The following TNR variants were observed in gnomAD, a reference collection of about 807,000 sequenced individuals.
The protein encoded by TNR is tenascin-R.
TNR carries 45 observed loss-of-function variants against 150.4 expected under a neutral mutation model. The observed-to-expected ratio is 0.30, with a 90% CI of 0.24 to 0.38. TNR has a LOEUF of 0.38. TNR is among the 10% of genes least tolerant of loss of function. The pLI, the probability that TNR is intolerant of heterozygous loss-of-function variation, is 1.00. For synonymous variants in TNR, 687 were observed against 678.4 expected (o/e 1.01, Z -0.20); for missense variants, 1,544 against 1,759.1 (o/e 0.88, Z 2.19).
intron 1 of TNR, among the ~76,000 whole-genome samples, chr1:175,626,972 A>G (rs1664174790): frequency 6.6e-6 from 1 of 152,226 alleles, no homozygotes; most frequent in Admixed American, 6.5e-5. Context: ...TGGAGCCCCC[A>G]GAAGCTGGAA....
chr1:175,437,483 C>T (rs1001820784), intron 2 of TNR, among the ~76,000 whole-genome samples: 7 of 152,216 alleles, frequency 4.6e-5, no homozygotes, highest in Admixed American at 6.5e-5. Context: ...GAAGCAAGAG[C>T]AAATACATTC....
At chr1:175,347,705 G>C (rs2101999839) in intron 18 of TNR, among the ~76,000 whole-genome samples, 1 of 152,108 alleles carries the variant, frequency 6.6e-6, no homozygotes, top group South Asian at 2.1e-4. Flanking sequence ...ACAGGTGTGA[G>C]CCACTGCGCC....
At chr1:175,678,032 A>C (rs1445776010) in intron 1 of TNR, among the ~76,000 whole-genome samples, 1 of 151,988 alleles carries the variant, frequency 6.6e-6, no homozygotes, top group East Asian at 1.9e-4. Flanking sequence ...CATAAAGAAA[A>C]AGCTGTTCCT....
At chr1:175,566,171 G>T (rs1255288137) in intron 1 of TNR, among the ~76,000 whole-genome samples, 2 of 152,206 alleles carry the variant, frequency 1.3e-5, no homozygotes. Context: ...GTTCATTATG[G>T]ACTCTTAGTA....
intron 6 of TNR, 80 bp downstream of exon 6, chr1:175,393,700 T>C (rs1653286714): frequency 8.6e-7 from 1 of 1,166,958 alleles, no homozygotes; most frequent in Non-Finnish European, 1.3e-6. Flanking sequence ...GGTAGCACTT[T>C]CCTTGCTGCC....
At chr1:175,692,689 G>A (rs933363704) in intron 1 of TNR, among the ~76,000 whole-genome samples, 3 of 152,170 alleles carry the variant, frequency 2.0e-5, no homozygotes, top group Non-Finnish European at 2.9e-5. Context: ...TAACAGGGGA[G>A]AGGAGAGGAA....
chr1:175,447,079 G>A (rs1229523408), intron 2 of TNR, among the ~76,000 whole-genome samples: 2 of 152,184 alleles, frequency 1.3e-5, no homozygotes, highest in South Asian at 2.1e-4. Context: ...ACGCATATTC[G>A]TGTGTGTTCC....
intron 20 of TNR, among the ~76,000 whole-genome samples, chr1:175,334,968 T>C (rs923473020): frequency 6.6e-6 from 1 of 152,188 alleles, no homozygotes; most frequent in African/African-American, 2.4e-5. Context: ...AAGCTTGTTA[T>C]CTAGGCACCC....
At chr1:175,468,132 G>A (rs1410244477) in intron 2 of TNR, among the ~76,000 whole-genome samples, 7 of 152,156 alleles carry the variant, frequency 4.6e-5, no homozygotes, top group Non-Finnish European at 1.0e-4. Context: ...GGGAAAGCTG[G>A]GACACCTTGG....
chr1:175,448,724 A>G (rs75895367), intron 2 of TNR, among the ~76,000 whole-genome samples: 5 of 152,220 alleles, frequency 3.3e-5, no homozygotes, highest in Non-Finnish European at 7.4e-5. Flanking sequence ...TTCCAGGTTC[A>G]AGGCTTCCGA....
At chr1:175,448,554 A>G (rs1005336705) in intron 2 of TNR, among the ~76,000 whole-genome samples, 4 of 152,152 alleles carry the variant, frequency 2.6e-5, no homozygotes, top group African/African-American at 9.7e-5. Flanking sequence ...TCAGCAGCTC[A>G]CTGTGCTCCT....
At chr1:175,725,309 A>T in intron 1 of TNR, among the ~76,000 whole-genome samples, 1 of 152,228 alleles carries the variant, frequency 6.6e-6, no homozygotes, top group Non-Finnish European at 1.5e-5. Context: ...CTTTCCAGCC[A>T]TATAAGTGAA....
chr1:175,739,752 G>T (rs1485995795), intron 1 of TNR, among the ~76,000 whole-genome samples: 3 of 152,094 alleles, frequency 2.0e-5, no homozygotes, highest in Non-Finnish European at 4.4e-5. Flanking sequence ...CATGACCTTT[G>T]TGGATAGGAC....
intron 1 of TNR, among the ~76,000 whole-genome samples, chr1:175,583,283 T>A (rs925318696): frequency 7.2e-5 from 11 of 152,168 alleles, no homozygotes; most frequent in African/African-American, 2.4e-4. Context: ...AGAGCCCAGG[T>A]AGGAGCTGAG....
chr1:175,639,858 G>C (rs1200505533), intron 1 of TNR, among the ~76,000 whole-genome samples: 1 of 151,994 alleles, frequency 6.6e-6, no homozygotes, highest in Non-Finnish European at 1.5e-5. Context: ...ACTTCATTTT[G>C]GTCTCTGTTC....
intron 2 of TNR, among the ~76,000 whole-genome samples, chr1:175,513,440 C>A (rs1449993896): frequency 6.6e-6 from 1 of 152,146 alleles, no homozygotes; most frequent in Admixed American, 6.5e-5. Context: ...AGCAGGTGCT[C>A]TCAGATGCAC....
At chr1:175,389,378 TC>T (rs1280680722) in intron 7 of TNR, among the ~76,000 whole-genome samples, 2 of 152,200 alleles carry the variant, frequency 1.3e-5, no homozygotes, top group Non-Finnish European at 2.9e-5. Context: ...GGTAACTTTT[TC>T]CCTCCTCCCT....
rs557401123 is a variant in TNR, at chr1:175,698,656, C to T, written c.-165+44570G>A. On this transcript the variant is annotated intron_variant, in intron 1 of 22. Transcript: ENST00000367674. ...AGGAGTTTGAGACCAGCCTGGCCAA[C>T]ATGATGAAACCCCTTCTCTACTAAA... is the stretch of plus-strand genomic sequence containing the variant. Among the ~76,000 whole-genome samples the T allele has an allele frequency of 2.6e-5, 4 of 152,154 alleles. No homozygotes were observed. In the South Asian group the frequency reaches 6.2e-4, roughly 24 times the overall value.
chr1:175,514,316 G>A (rs898966835), intron 2 of TNR, among the ~76,000 whole-genome samples: 3 of 152,240 alleles, frequency 2.0e-5, no homozygotes, highest in Non-Finnish European at 4.4e-5. Flanking sequence ...AGCATGGGTA[G>A]CCTGTACCCT....
Sources: gnomAD v4.1 joint callset for allele counts (sites outside exome capture counted in the v4.1 genomes callset) on GRCh38, gnomAD v4.1.1 for gene constraint, MANE v1.5 for transcripts, NCBI Gene and HGNC (gene_info 2026-07-23, HGNC 2026-07-21) for gene names.